The following EDC4 variants were observed in gnomAD, a reference collection of about 807,000 sequenced individuals.
The protein encoded by EDC4 is enhancer of mRNA-decapping protein 4.
In EDC4, 64 loss-of-function variants were observed where a neutral mutation model predicts 155.8. The ratio of observed to expected loss-of-function variants is 0.41; its 90% CI spans 0.34 to 0.51. The LOEUF (loss-of-function observed/expected upper bound fraction) is 0.51, where lower values mean the gene tolerates loss of function less well. EDC4 is among the 20% of genes least tolerant of loss of function. The pLI is 0.19. For missense variants in EDC4, 1,303 were observed against 1,812.5 expected (o/e 0.72, Z 5.10); for synonymous variants, 684 against 716.8 (o/e 0.95, Z 0.73).
rs774397013 is a variant in EDC4 at position 67,883,543 on chromosome 16, A to C, written c.3850-25A>C. ...CATTCCATCCTGATATTTGCTATAA[A>C]CACTGCTGCTTTTTTCTCCTCCAGG... On this transcript the variant is annotated intron_variant, in intron 27 of 28. Coordinates refer to ENST00000358933, the MANE Select transcript of EDC4 (RefSeq NM_014329.5). The surrounding 1 kb of genome is among the most constrained non-coding windows in gnomAD (Gnocchi z 5.3). The C allele has an allele frequency of 4.3e-6, 7 of 1,610,640 alleles. No individual in the cohort carries two copies. Among genetic ancestry groups the C allele is most frequent in the Non-Finnish European group, 5.9e-6 (7 of 1,179,702 alleles).
chr16:67,878,344 A>G lies in EDC4; in HGVS notation c.1005-16A>G. On this transcript the variant is annotated splice_polypyrimidine_tract_variant and intron_variant, in intron 8 of 28. Transcript: ENST00000358933. The surrounding 1 kb of genome is among the most constrained non-coding windows in gnomAD (Gnocchi z 5.2). ...ACCCGACCACTCACTCAGGCCCCTC[A>G]TCTGCCTACCTGCAGGTGTCTGCAC... 6.2e-7 allele frequency: 1 copy of G among 1,614,208 alleles called. No homozygotes were observed. The highest frequency in any genetic ancestry group is 8.5e-7 in the Non-Finnish European group (1 of 1,180,036).
rs561938319 is a variant in EDC4, at chr16:67,880,189, C to T, written c.2070C>T (p.Asp690=). 3.7e-6 allele frequency: 6 copies of T among 1,610,640 alleles called. No homozygotes were observed. Among genetic ancestry groups the T allele is most frequent in the East Asian group, 4.5e-5 (2 of 44,856 alleles). Residue 690 remains aspartate (D), a synonymous_variant, in exon 17 of 29, where the codon GAC becomes GAT. Transcript: ENST00000358933. The surrounding 1 kb of genome is among the most constrained non-coding windows in gnomAD (Gnocchi z 5.2). ...LLPGLLPAPA[D]KLTPKGPGQV... Reference sequence around the variant, plus strand: ...CTGGCCTGCTCCCAGCCCCAGCTGACAAACTGACTCCCAAGGGGCCGGGCC... The same window carrying T: ...CTGGCCTGCTCCCAGCCCCAGCTGATAAACTGACTCCCAAGGGGCCGGGCC...
intron 1 of EDC4, among the ~76,000 whole-genome samples, chr16:67,875,003 C>G (rs1411208960): frequency 2.0e-5 from 3 of 152,098 alleles, no homozygotes; most frequent in African/African-American, 7.2e-5. Flanking sequence ...TCCCTTGAAC[C>G]CAGGGGGTAG....
Position 67,880,532 on chromosome 16 carries a change from AGCCCCCATCTTTG to A in EDC4, c.2098-20_2098-8del. On this transcript the variant is annotated splice_polypyrimidine_tract_variant and intron_variant, in intron 17 of 28. Transcript: ENST00000358933. This position sits in a 1 kb window ranked among gnomAD's most constrained non-coding sequence, Gnocchi z 5.2. ...TCTCTGCCTCACTTCCTGTCACTTAAGCCCCCATCTTTGGCCCACCTCAGGTGCCTACTGCCAC... is the reference window on the plus strand; with the variant it reads ...TCTCTGCCTCACTTCCTGTCACTTAAGCCCACCTCAGGTGCCTACTGCCAC... The A allele has an allele frequency of 6.2e-7, 1 of 1,607,820 alleles. No individual in the cohort carries two copies. Among genetic ancestry groups the A allele is most frequent in the Non-Finnish European group, 8.5e-7 (1 of 1,176,028 alleles).
At chr16:67,874,502 C>T (rs2058034212) in intron 1 of EDC4, among the ~76,000 whole-genome samples, 2 of 152,202 alleles carry the variant, frequency 1.3e-5, no homozygotes, top group African/African-American at 4.8e-5. Flanking sequence ...GCGTGGACCT[C>T]TCCTGCTGCT....
chr16:67,876,665 C>T lies in EDC4; in HGVS notation c.351+66C>T. On this transcript the variant is annotated intron_variant, in intron 3 of 28. Transcript: ENST00000358933. The surrounding 1 kb of genome is among the most constrained non-coding windows in gnomAD (Gnocchi z 5.8). Reference sequence around the variant, plus strand: ...CACACCCAGCCTTTCCAGTCTCCCTCATGCTGCCAGTTCCTATGGGGACCA... The same window carrying T: ...CACACCCAGCCTTTCCAGTCTCCCTTATGCTGCCAGTTCCTATGGGGACCA... 1.3e-6 allele frequency: 2 copies of T among 1,592,656 alleles called. No homozygotes were observed. Among genetic ancestry groups the T allele is most frequent in the Non-Finnish European group, 8.6e-7 (1 of 1,167,362 alleles).
At position 67,883,538 on chromosome 16, in the gene EDC4, T is replaced by G; in HGVS notation, c.3850-30T>G. On this transcript the variant is annotated intron_variant, in intron 27 of 28. Transcript: ENST00000358933. The surrounding 1 kb of genome is among the most constrained non-coding windows in gnomAD (Gnocchi z 5.3). ...GCAGACATTCCATCCTGATATTTGC[T>G]ATAAACACTGCTGCTTTTTTCTCCT... 1 of 1,609,854 alleles carries G rather than the reference T, an allele frequency of 6.2e-7. No homozygotes were observed. Among genetic ancestry groups the G allele is most frequent in the Non-Finnish European group, 8.5e-7 (1 of 1,179,608 alleles).
chr16:67,879,192 G>A lies in EDC4; in HGVS notation c.1469-45G>A, dbSNP rs764894180. The A allele has an allele frequency of 6.2e-6, 10 of 1,614,062 alleles. No individual in the cohort carries two copies. The highest frequency in any genetic ancestry group is 7.6e-6 in the Non-Finnish European group (9 of 1,180,038). ...TCCATATATCTAGGGGGTTGTGGAG[G>A]CACAGAGAGGGCCAGGGGCTTCATC... is the stretch of plus-strand genomic sequence containing the variant. On this transcript the variant is annotated intron_variant, in intron 12 of 28. Transcript: ENST00000358933. This position sits in a 1 kb window ranked among gnomAD's most constrained non-coding sequence, Gnocchi z 6.0.
chr16:67,880,845 G>C lies in EDC4; in HGVS notation c.2386G>C (p.Asp796His). 6.2e-7 allele frequency: 1 copy of C among 1,613,948 alleles called. No homozygotes were observed. The highest frequency in any genetic ancestry group is 8.5e-7 in the Non-Finnish European group (1 of 1,179,992). ...GPELGPQLGL[D>H]GGPGDGDRHN... ...CGAGCTCGGCCCCCAGCTCGGGCTT[G>C]ATGGAGGCCCTGGGGATGGAGATCG... Residue 796 changes from aspartate to histidine, a missense_variant, in exon 18 of 29, where the codon GAT (aspartate) becomes CAT (histidine). Asp to His is a moderately conservative substitution (Grantham distance 81, BLOSUM62 -1). Coordinates refer to ENST00000358933, the MANE Select transcript of EDC4 (RefSeq NM_014329.5). This position sits in a 1 kb window ranked among gnomAD's most constrained non-coding sequence, Gnocchi z 5.2.
rs761387166 is a variant in EDC4 at position 67,882,495 on chromosome 16, C to T, written c.3343C>T (p.Arg1115Trp). The T allele has an allele frequency of 1.1e-5, 17 of 1,614,100 alleles. No homozygotes were observed. The highest frequency in any genetic ancestry group is 4.4e-5 in the South Asian group (4 of 91,092). Reference protein sequence around the residue: ...TLQGPMQAAYREAFQSVVLPA... With the variant: ...TLQGPMQAAYWEAFQSVVLPA... The stretch of plus-strand genomic sequence containing the variant: ...ACAAGGGCCGATGCAGGCTGCCTAC[C>T]GGGAAGCCTTCCAGAGTGTGGTGCT... The change falls in exon 25 of 29, where the codon CGG (arginine) becomes TGG (tryptophan). Residue 1115 changes from arginine to tryptophan, a missense_variant. Physicochemically the swap from Arg to Trp is moderately radical, Grantham distance 101. Transcript: ENST00000358933. This position sits in a 1 kb window ranked among gnomAD's most constrained non-coding sequence, Gnocchi z 7.2.
At position 67,883,067 on chromosome 16, in the gene EDC4, C is replaced by T. The variant is rs372202506; in HGVS notation, c.3739C>T (p.Arg1247Cys). The T allele has an allele frequency of 4.3e-6, 7 of 1,613,086 alleles. No homozygotes were observed. Among genetic ancestry groups the T allele is most frequent in the African/African-American group, 1.3e-5 (1 of 74,924 alleles). ...CACCTCCAGCATCATGCAGGCCATG[C>T]GCTCAGCTGCTGGCACACCTGTCCC... ...AVTSSIMQAM[R>C]SAAGTPVPSA... Residue 1247 changes from arginine (R) to cysteine (C), a missense_variant, in exon 27 of 29, where the codon CGC becomes TGC. By Grantham distance (180) the Arg-to-Cys change is radical. Coordinates refer to ENST00000358933, the MANE Select transcript of EDC4 (RefSeq NM_014329.5). This position sits in a 1 kb window ranked among gnomAD's most constrained non-coding sequence, Gnocchi z 5.3.
rs1474478723 is a variant in EDC4 at position 67,881,232 on chromosome 16, G to C, written c.2637-33G>C. 1 of 1,614,026 alleles carries C rather than the reference G, an allele frequency of 6.2e-7. No individual in the cohort carries two copies. The highest frequency in any genetic ancestry group is 1.3e-5 in the African/African-American group (1 of 75,044). ...TCATGGGGGGATGGGCAGCAAGTGGGCAGGGGCTTACTCCTCCTTCCCCTT... is the reference window on the plus strand; with the variant it reads ...TCATGGGGGGATGGGCAGCAAGTGGCCAGGGGCTTACTCCTCCTTCCCCTT... On this transcript the variant is annotated intron_variant, in intron 19 of 28. Transcript: ENST00000358933. The surrounding 1 kb of genome is among the most constrained non-coding windows in gnomAD (Gnocchi z 5.4).
At position 67,883,221 on chromosome 16, in the gene EDC4, A is replaced by G. The variant is rs1424451970; in HGVS notation, c.3849+44A>G. The G allele has an allele frequency of 1.3e-6, 2 of 1,514,740 alleles. No homozygotes were observed. Among genetic ancestry groups the G allele is most frequent in the Admixed American group, 4.0e-5 (2 of 49,966 alleles). The allele number at this position is 1,514,740 out of a possible 1,614,324, so 93.8% of individuals were successfully genotyped here. On this transcript the variant is annotated intron_variant, in intron 27 of 28. Coordinates refer to ENST00000358933, the MANE Select transcript of EDC4 (RefSeq NM_014329.5). This position sits in a 1 kb window ranked among gnomAD's most constrained non-coding sequence, Gnocchi z 5.3. Reference sequence around the variant, plus strand: ...CCTGCTAAGGGTCACGTGTCTCTTGACAAGGCCCACATACCATACATTCTA... The same window carrying G: ...CCTGCTAAGGGTCACGTGTCTCTTGGCAAGGCCCACATACCATACATTCTA...
At position 67,873,253 on chromosome 16, in the gene EDC4, G is replaced by A; in HGVS notation, c.-9G>A. The A allele has an allele frequency of 7.1e-7, 1 of 1,409,038 alleles. No homozygotes were observed. The highest frequency in any genetic ancestry group is 1.5e-5 in the South Asian group (1 of 67,808). 87.3% of individuals were successfully genotyped at this position (1,409,038 alleles called of 1,614,324 possible). ...ACGCGGTGCGGGCGGGGCGCCCGCCGCAGGGCCCATGGCCTCCTGCGCGAG... is the reference window on the plus strand; with the variant it reads ...ACGCGGTGCGGGCGGGGCGCCCGCCACAGGGCCCATGGCCTCCTGCGCGAG... On this transcript the variant is annotated 5_prime_UTR_variant, in exon 1 of 29. Transcript: ENST00000358933.
At position 67,881,337 on chromosome 16, in the gene EDC4, G is replaced by A. The variant is rs761521782; in HGVS notation, c.2709G>A (p.Arg903=). 2 of 1,614,200 alleles carry A rather than the reference G, an allele frequency of 1.2e-6. No individual in the cohort carries two copies. Among genetic ancestry groups the A allele is most frequent in the Non-Finnish European group, 1.7e-6 (2 of 1,180,040 alleles). The change falls in exon 20 of 29, where the codon CGG becomes CGA. Residue 903 remains arginine, a synonymous_variant. Transcript: ENST00000358933. The surrounding 1 kb of genome is among the most constrained non-coding windows in gnomAD (Gnocchi z 5.4). ...GGFGTKVPAP[R]LPAKDWKTKG... ...TTGGCACCAAAGTTCCTGCTCCACG[G>A]CTGCCTGCCAAGGACTGGAAGACCA...
chr16:67,882,036 A>T lies in EDC4; in HGVS notation c.3087A>T (p.Gln1029His), dbSNP rs1337103762. Residue 1029 changes from glutamine to histidine, a missense_variant, in exon 23 of 29, where the codon CAA becomes CAT. Physicochemically the swap from Gln to His is conservative, Grantham distance 24 (BLOSUM62 0). Around this residue, in one of 5 missense-constraint regions of EDC4, gnomAD observed 527 missense variants for 757.0 expected, o/e 0.70. Transcript: ENST00000358933. This position sits in a 1 kb window ranked among gnomAD's most constrained non-coding sequence, Gnocchi z 7.2. The part of the protein sequence containing the change: ...LQEQLTQQLS[Q>H]ALSSAVAGRL... ...AGCAGCTGACACAACAGTTGTCCCA[A>T]GCACTGTCGTCAGCTGTAGCTGGGC... is the stretch of plus-strand genomic sequence containing the variant. 1 of 1,612,646 alleles carries T rather than the reference A, an allele frequency of 6.2e-7. No individual in the cohort carries two copies. Among genetic ancestry groups the T allele is most frequent in the Non-Finnish European group, 8.5e-7 (1 of 1,179,660 alleles).
chr16:67,873,489 T>A, intron 1 of EDC4, 146 bp downstream of exon 1: 1 of 601,062 alleles, frequency 1.7e-6, no homozygotes. Flanking sequence ...ACTGTGCCCC[T>A]CGAAGGGCGC....
chr16:67,878,357 C>T lies in EDC4; in HGVS notation c.1005-3C>T. ...CTCAGGCCCCTCATCTGCCTACCTG[C>T]AGGTGTCTGCACGAGTGGAAACCTC... On this transcript the variant is annotated splice_region_variant and splice_polypyrimidine_tract_variant and intron_variant, in intron 8 of 28. Transcript: ENST00000358933. This position sits in a 1 kb window ranked among gnomAD's most constrained non-coding sequence, Gnocchi z 5.2. The T allele has an allele frequency of 6.2e-7, 1 of 1,614,232 alleles. No individual in the cohort carries two copies. The highest frequency in any genetic ancestry group is 8.5e-7 in the Non-Finnish European group (1 of 1,180,044).
chr16:67,880,870 G>A lies in EDC4; in HGVS notation c.2411G>A (p.Arg804Gln), dbSNP rs201093775. The part of the protein sequence containing the change: ...GLDGGPGDGD[R>Q]HNTPSLLEAA... Reference sequence around the variant, plus strand: ...GATGGAGGCCCTGGGGATGGAGATCGGCATAATACCCCCTCCCTCCTGGAG... The same window carrying A: ...GATGGAGGCCCTGGGGATGGAGATCAGCATAATACCCCCTCCCTCCTGGAG... Residue 804 changes from arginine (R) to glutamine (Q), a missense_variant, in exon 18 of 29, where the codon CGG becomes CAG. Around this residue, in one of 5 missense-constraint regions of EDC4, gnomAD observed 391 missense variants for 445.4 expected, o/e 0.88. Transcript: ENST00000358933. The surrounding 1 kb of genome is among the most constrained non-coding windows in gnomAD (Gnocchi z 5.2). 7.0e-4 allele frequency: 1,134 copies of A among 1,613,908 alleles called. 3 individuals carry two copies. The highest frequency in any genetic ancestry group is 8.8e-4 in the Non-Finnish European group (1,037 of 1,180,002).
Sources: gnomAD v4.1 joint callset for allele counts (sites outside exome capture counted in the v4.1 genomes callset) on GRCh38, gnomAD v4.1.1 for gene constraint, gnomAD v4.1.1 regional missense constraint, Gnocchi (gnomAD v3.1) non-coding constraint, MANE v1.5 for transcripts, NCBI Gene and HGNC (gene_info 2026-07-23, HGNC 2026-07-21) for gene names.